Variants in GRAMD1C observed in about 807,000 individuals in gnomAD.
GRAMD1C encodes GRAM domain containing 1C.
Under a neutral mutation model 97.8 loss-of-function variants are expected in GRAMD1C, and 89 were observed. The observed-to-expected ratio is 0.91, with a 90% confidence interval of 0.77 to 1.09. The LOEUF is 1.09. Ranked by LOEUF, GRAMD1C falls within the 50% of genes least tolerant of loss-of-function variation. The probability of loss-of-function intolerance (pLI) is 0.00; values close to 1 mark genes in which losing one functional copy is unlikely to be tolerated. For synonymous variants in GRAMD1C, 256 were observed against 267.0 expected, an observed-to-expected ratio of 0.96 and a Z score of 0.40; for missense variants, 740 against 766.4, an observed-to-expected ratio of 0.97 and a Z score of 0.41.
At chr3:113,906,691 T>C (rs1040668003) in intron 8 of GRAMD1C, among the ~76,000 whole-genome samples, 1 of 152,162 alleles carries the variant, frequency 6.6e-6, no homozygotes, top group Non-Finnish European at 1.5e-5. Context: ...AAGTGTACGA[T>C]GTTTATAAAG....
At chr3:113,940,912 AT>A (rs1937745757) in intron 17 of GRAMD1C, among the ~76,000 whole-genome samples, 2 of 152,002 alleles carry the variant, frequency 1.3e-5, no homozygotes, top group Non-Finnish European at 2.9e-5. Context: ...TAATCCCCTA[AT>A]TTTCTGTTTA....
intron 2 of GRAMD1C, among the ~76,000 whole-genome samples, chr3:113,868,004 T>C (rs975229212): frequency 3.9e-5 from 6 of 152,228 alleles, no homozygotes; most frequent in African/African-American, 1.4e-4. Flanking sequence ...TCGAATTTGA[T>C]AATTTTTACT....
At chr3:113,938,268 C>A in intron 15 of GRAMD1C, 125 bp downstream of exon 15, 2 of 452,038 alleles carry the variant, frequency 4.4e-6, no homozygotes, top group Non-Finnish European at 7.7e-6. Context: ...CTATTGCCGG[C>A]CTACAAAAAT....
intron 10 of GRAMD1C, among the ~76,000 whole-genome samples, chr3:113,925,220 G>A (rs1006493399): frequency 6.6e-6 from 1 of 152,088 alleles, no homozygotes; most frequent in Non-Finnish European, 1.5e-5. Flanking sequence ...CTGGGCACGG[G>A]GGCTCACGCC....
intron 6 of GRAMD1C, among the ~76,000 whole-genome samples, chr3:113,892,824 C>T (rs1451347519): frequency 6.6e-6 from 1 of 152,152 alleles, no homozygotes; most frequent in East Asian, 1.9e-4. Flanking sequence ...GCCCTTCCCA[C>T]TCCACTCCTC....
At chr3:113,885,251 G>C in intron 6 of GRAMD1C, 1 of 1,173,994 alleles carries the variant, frequency 8.5e-7, no homozygotes, top group Non-Finnish European at 1.2e-6. Flanking sequence ...GGCTGGCGGA[G>C]CTGGGCCGTG....
Position 113,872,751 on chromosome 3 carries a change from C to G in GRAMD1C, c.260-2733C>G, listed in dbSNP as rs146697174. ...GAAGTATAAATTTATTACAATAAAA[C>G]ATATCCATTTTAGGGAGTCCATTTT... On this transcript the variant is annotated intron_variant, in intron 3 of 17. Transcript: ENST00000358160. Among the ~76,000 whole-genome samples, 181 of 150,982 alleles carry G rather than the reference C, an allele frequency of 1.2e-3. 1 individual carries two copies. Among genetic ancestry groups the G allele is most frequent in the African/African-American group, 4.3e-3 (175 of 41,148 alleles).
intron 6 of GRAMD1C, among the ~76,000 whole-genome samples, chr3:113,886,786 T>G (rs1435344119): frequency 2.2e-5 from 3 of 133,694 alleles, no homozygotes; most frequent in Admixed American, 7.6e-5. Flanking sequence ...TGTTTTTTTT[T>G]TTTTTTTTTT....
chr3:113,916,309 T>C (rs964082287), intron 10 of GRAMD1C, among the ~76,000 whole-genome samples: 3 of 152,178 alleles, frequency 2.0e-5, no homozygotes, highest in African/African-American at 7.2e-5. Flanking sequence ...ACAGTGTTCA[T>C]AGCAACATTA....
chr3:113,870,218 C>T (rs1460081950), intron 3 of GRAMD1C, among the ~76,000 whole-genome samples: 1 of 151,790 alleles, frequency 6.6e-6, no homozygotes, highest in Non-Finnish European at 1.5e-5. Flanking sequence ...AAAAAATTAG[C>T]CAGGTGTGGT....
chr3:113,898,852 C>A (rs73856206), intron 6 of GRAMD1C, among the ~76,000 whole-genome samples: 1,758 of 152,110 alleles, frequency 0.012, 33 homozygotes, highest in African/African-American at 0.04. Context: ...ATGATAATAT[C>A]TGAATTTTCA....
intron 10 of GRAMD1C, among the ~76,000 whole-genome samples, chr3:113,922,710 G>A (rs1937103130): frequency 6.6e-6 from 1 of 152,124 alleles, no homozygotes. Flanking sequence ...TGGGTATTGT[G>A]ATGCCTCCAG....
chr3:113,891,912 A>G (rs1935742280), intron 6 of GRAMD1C, among the ~76,000 whole-genome samples: 1 of 151,272 alleles, frequency 6.6e-6, no homozygotes, highest in Non-Finnish European at 1.5e-5. Flanking sequence ...AGTTCAGAAT[A>G]TTATATTTGT....
chr3:113,919,741 A>G (rs1305989655), intron 10 of GRAMD1C: 2 of 588,138 alleles, frequency 3.4e-6, no homozygotes, highest in East Asian at 4.2e-5. Flanking sequence ...AAGATTGTCT[A>G]CATATATAAT....
intron 2 of GRAMD1C, among the ~76,000 whole-genome samples, chr3:113,852,473 C>T (rs1933951561): frequency 6.6e-6 from 1 of 152,172 alleles, no homozygotes; most frequent in Non-Finnish European, 1.5e-5. Context: ...AAAACCAACA[C>T]TTCTGGCAAT....
At chr3:113,849,549 G>A (rs367765971) in intron 2 of GRAMD1C, among the ~76,000 whole-genome samples, 9 of 151,826 alleles carry the variant, frequency 5.9e-5, no homozygotes, top group East Asian at 5.8e-4. Flanking sequence ...ATCTTGCACC[G>A]CCCTTAATCC....
At chr3:113,856,097 A>T (rs917893981) in intron 2 of GRAMD1C, among the ~76,000 whole-genome samples, 1 of 152,090 alleles carries the variant, frequency 6.6e-6, no homozygotes, top group African/African-American at 2.4e-5. Flanking sequence ...CATGTTGGCC[A>T]GGCTGGTGTC....
chr3:113,932,440 C>A (rs1937471186), intron 11 of GRAMD1C, among the ~76,000 whole-genome samples: 1 of 151,976 alleles, frequency 6.6e-6, no homozygotes. Flanking sequence ...CATTTAAAAT[C>A]CTGTTTAGGA....
At chr3:113,889,980 C>T (rs1935653817) in intron 6 of GRAMD1C, among the ~76,000 whole-genome samples, 1 of 152,084 alleles carries the variant, frequency 6.6e-6, no homozygotes, top group Non-Finnish European at 1.5e-5. Context: ...AACTTAGCCT[C>T]CTCTCCTCCC....
Sources: gnomAD v4.1 joint callset for allele counts (sites outside exome capture counted in the v4.1 genomes callset) on GRCh38, gnomAD v4.1.1 for gene constraint, MANE v1.5 for transcripts, NCBI Gene and HGNC (gene_info 2026-07-23, HGNC 2026-07-21) for gene names.